LRBA: variants seen among roughly 807,000 people sequenced by gnomAD.
The protein encoded by LRBA is lipopolysaccharide-responsive and beige-like anchor protein.
In LRBA, 176 loss-of-function variants were observed where a neutral mutation model predicts 330.0. That is an observed-to-expected ratio of 0.53 (90% CI 0.47 to 0.60). The LOEUF (loss-of-function observed/expected upper bound fraction) is 0.60, where lower values mean the gene tolerates loss of function less well. Ranked by LOEUF, LRBA falls within the 20% of genes least tolerant of loss-of-function variation. The pLI, the probability that LRBA is intolerant of heterozygous loss-of-function variation, is 0.00. For synonymous variants in LRBA, 1,230 were observed against 1,193.0 expected, an observed-to-expected ratio of 1.03 and a Z score of -0.64; for missense variants, 3,259 against 3,444.8, an observed-to-expected ratio of 0.95 and a Z score of 1.35.
chr4:150,843,881 C>A (rs1482316113), intron 28 of LRBA, among the ~76,000 whole-genome samples: 1 of 152,122 alleles, frequency 6.6e-6, no homozygotes, highest in Non-Finnish European at 1.5e-5. Flanking sequence ...ATGCATTATT[C>A]CTTTTAATAT....
intron 35 of LRBA, among the ~76,000 whole-genome samples, chr4:150,739,903 G>A (rs1396036063): frequency 6.6e-6 from 1 of 152,166 alleles, no homozygotes; most frequent in Non-Finnish European, 1.5e-5. Context: ...ACTCTGGCCA[G>A]CACCTCAATT....
intron 37 of LRBA, among the ~76,000 whole-genome samples, chr4:150,666,983 A>G (rs1307718288): frequency 6.6e-6 from 1 of 152,208 alleles, no homozygotes; most frequent in African/African-American, 2.4e-5. Context: ...TGAAACCCAG[A>G]GAGACTAAGT....
At chr4:150,527,711 G>A (rs1056609726) in intron 40 of LRBA, among the ~76,000 whole-genome samples, 1 of 152,178 alleles carries the variant, frequency 6.6e-6, no homozygotes, top group South Asian at 2.1e-4. Flanking sequence ...CTTGAATAAT[G>A]AGAACTGAAA....
At chr4:150,589,546 A>G (rs1383069061) in intron 39 of LRBA, among the ~76,000 whole-genome samples, 1 of 152,170 alleles carries the variant, frequency 6.6e-6, no homozygotes, top group East Asian at 1.9e-4. Flanking sequence ...TAATACTGAG[A>G]AGAAATAACA....
intron 44 of LRBA, among the ~76,000 whole-genome samples, chr4:150,439,741 T>C (rs1026145444): frequency 3.9e-5 from 6 of 152,186 alleles, no homozygotes; most frequent in Non-Finnish European, 8.8e-5. Flanking sequence ...ATCCTAACAA[T>C]AGATCTGTAA....
chr4:150,354,691 T>C (rs1412394437), intron 47 of LRBA, among the ~76,000 whole-genome samples: 1 of 152,120 alleles, frequency 6.6e-6, no homozygotes, highest in Admixed American at 6.6e-5. Flanking sequence ...GGACTCATAT[T>C]AGTGTTGACA....
intron 40 of LRBA, among the ~76,000 whole-genome samples, chr4:150,507,144 C>G (rs1001963152): frequency 1.3e-5 from 2 of 151,304 alleles, no homozygotes; most frequent in African/African-American, 4.9e-5. Flanking sequence ...TGAAAATGGC[C>G]ATACTGCCCA....
intron 4 of LRBA, among the ~76,000 whole-genome samples, chr4:150,928,151 A>G (rs1734081034): frequency 6.6e-6 from 1 of 152,230 alleles, no homozygotes; most frequent in Non-Finnish European, 1.5e-5. Context: ...TCACGGAGTG[A>G]GTTACTCAAG....
intron 30 of LRBA, 146 bp downstream of exon 30, chr4:150,828,034 A>G (rs1173812924): frequency 1.6e-6 from 1 of 644,338 alleles, no homozygotes; most frequent in Non-Finnish European, 2.7e-6. Context: ...GTTTCTGATC[A>G]ACATAAGCTA....
At chr4:150,880,862 T>TA (rs1728303443) in intron 17 of LRBA, among the ~76,000 whole-genome samples, 1 of 151,878 alleles carries the variant, frequency 6.6e-6, no homozygotes, top group Admixed American at 6.6e-5. Flanking sequence ...ACAATCCCAT[T>TA]AAAAAATGGG....
intron 37 of LRBA, among the ~76,000 whole-genome samples, chr4:150,673,884 T>C (rs951005227): frequency 6.6e-6 from 1 of 152,176 alleles, no homozygotes; most frequent in Admixed American, 6.5e-5. Flanking sequence ...AACAAGATAA[T>C]TCAATACAAG....
intron 44 of LRBA, among the ~76,000 whole-genome samples, chr4:150,439,212 G>A (rs918902074): frequency 6.6e-6 from 1 of 152,126 alleles, no homozygotes; most frequent in Non-Finnish European, 1.5e-5. Flanking sequence ...AGCATAATAA[G>A]TATTCACTTT....
rs1731270683 is a variant in LRBA, at chr4:150,905,838, C to G, written c.1755G>C (p.Lys585Asn). Residue 585 changes from lysine (K) to asparagine (N), a missense_variant and splice_region_variant, in exon 13 of 57, where the codon AAG becomes AAC. Lys to Asn is a moderately conservative substitution (Grantham distance 94). Coordinates refer to ENST00000651943, the MANE Select transcript of LRBA (RefSeq NM_001364905.1). ...ATATCAATATATAGATATATATTAC[C>G]TTGGCTGGGGTATGAATCCATATGG... The part of the protein sequence containing the change: ...NPAIWIHTPA[K>N]VQLMLYTYLS... The G allele has an allele frequency of 3.1e-6, 5 of 1,610,786 alleles. No individual in the cohort carries two copies. Among genetic ancestry groups the G allele is most frequent in the Non-Finnish European group, 4.2e-6 (5 of 1,177,962 alleles).
At chr4:150,474,600 T>C (rs897365357) in intron 42 of LRBA, among the ~76,000 whole-genome samples, 3 of 152,170 alleles carry the variant, frequency 2.0e-5, no homozygotes, top group South Asian at 2.1e-4. Context: ...ATTAATTATA[T>C]TGAATCTTCT....
At chr4:150,862,831 T>C (rs910528580) in intron 22 of LRBA, among the ~76,000 whole-genome samples, 1 of 151,814 alleles carries the variant, frequency 6.6e-6, no homozygotes, top group African/African-American at 2.4e-5. Context: ...ACAAAAAAAT[T>C]AGCTGAGTGT....
intron 34 of LRBA, among the ~76,000 whole-genome samples, chr4:150,765,498 T>C (rs1029863692): frequency 2.0e-5 from 3 of 151,972 alleles, no homozygotes; most frequent in African/African-American, 7.3e-5. Context: ...AGGCTATGAG[T>C]GTGTAGGGGA....
chr4:150,766,305 C>T (rs1366309970), intron 34 of LRBA, among the ~76,000 whole-genome samples: 1 of 151,932 alleles, frequency 6.6e-6, no homozygotes, highest in East Asian at 1.9e-4. Context: ...GTCCTAATTA[C>T]TAATTATTAC....
intron 40 of LRBA, chr4:150,580,065 T>C (rs1362868782): frequency 8.6e-6 from 2 of 231,932 alleles, no homozygotes; most frequent in Non-Finnish European, 1.7e-5. Context: ...AGAGCCGGGC[T>C]CCCACAGGCG....
chr4:150,497,175 T>C (rs779356447), intron 40 of LRBA, among the ~76,000 whole-genome samples: 87 of 152,256 alleles, frequency 5.7e-4, no homozygotes, highest in Admixed American at 1.7e-3. Context: ...TTAACATAGT[T>C]TTTACATTTT....
Sources: allele counts gnomAD v4.1 joint callset (sites outside exome capture counted in the v4.1 genomes callset), GRCh38; gene constraint gnomAD v4.1.1; transcripts MANE v1.5; gene names NCBI Gene and HGNC (gene_info 2026-07-23, HGNC 2026-07-21).